WDR41: variants seen among roughly 807,000 people sequenced by gnomAD.
WDR41 encodes the protein WD repeat-containing protein 41.
A neutral mutation model predicts 69.3 loss-of-function variants in WDR41; 63 were observed. The observed-to-expected ratio is 0.91, with a 90% CI of 0.74 to 1.12. The LOEUF is 1.12. Ranked by LOEUF, WDR41 falls within the 50% of genes most tolerant of loss-of-function variation. The pLI is 0.00. For synonymous variants in WDR41, 185 were observed against 192.1 expected, an observed-to-expected ratio of 0.96 and a Z score of 0.31; for missense variants, 543 against 534.5, an observed-to-expected ratio of 1.02 and a Z score of -0.16.
intron 1 of WDR41, among the ~76,000 whole-genome samples, chr5:77,543,504 A>G (rs541085861): frequency 6.6e-6 from 1 of 152,258 alleles, no homozygotes; most frequent in South Asian, 2.1e-4. Context: ...TAGAAATGCA[A>G]AATGCTCTGG....
intron 1 of WDR41, among the ~76,000 whole-genome samples, chr5:77,549,674 A>G (rs1743262584): frequency 6.6e-6 from 1 of 152,224 alleles, no homozygotes; most frequent in Admixed American, 6.5e-5. Context: ...AAGAATCAAT[A>G]TTATTAAAAT....
At position 77,618,985 on chromosome 5, in the gene WDR41, T is replaced by G. The variant is rs1744728613; in HGVS notation, c.42+1494A>C. Among the ~76,000 whole-genome samples, 3 of 152,330 alleles carry G rather than the reference T, an allele frequency of 2.0e-5. No individual in the cohort carries two copies. In the South Asian group the frequency reaches 6.2e-4, roughly 32 times the overall value. On this transcript the variant is annotated intron_variant, in intron 1 of 5. Coordinates refer to the WDR41 transcript ENST00000509971. ...GTGTGAAGAATTTAACCAGCAACAC[T>G]AAGATTAGATGACCAGTAACCTCCC...
intron 2 of WDR41, among the ~76,000 whole-genome samples, chr5:77,483,586 A>G (rs1278425561): frequency 2.0e-5 from 3 of 151,122 alleles, no homozygotes; most frequent in Non-Finnish European, 4.4e-5. Flanking sequence ...TGTATGTCTA[A>G]GTTGTAGAGC....
At chr5:77,461,542 T>C (rs1446346860) in intron 4 of WDR41, among the ~76,000 whole-genome samples, 1 of 152,184 alleles carries the variant, frequency 6.6e-6, no homozygotes, top group Non-Finnish European at 1.5e-5. Context: ...GCATATACTT[T>C]TAAAAATTAA....
chr5:77,603,446 T>C (rs561113524), intron 1 of WDR41, among the ~76,000 whole-genome samples: 1 of 152,348 alleles, frequency 6.6e-6, no homozygotes, highest in South Asian at 2.1e-4. Flanking sequence ...ATTGAGCTGT[T>C]TGAGTTTCTT....
intron 1 of WDR41, among the ~76,000 whole-genome samples, chr5:77,559,920 C>A (rs1743490656): frequency 6.6e-6 from 1 of 152,038 alleles, no homozygotes; most frequent in Non-Finnish European, 1.5e-5. Flanking sequence ...AGTCATCTAG[C>A]AGGCCTAAAA....
rs1381186410 is a variant in WDR41, at chr5:77,489,578, A to T, written c.52-6T>A. Reference sequence around the variant, plus strand: ...ATTGTCTGTAAAGGAGATTTCTTGTATTGAAAAAAAAAAAAAAGCAAAAAA... The same window carrying T: ...ATTGTCTGTAAAGGAGATTTCTTGTTTTGAAAAAAAAAAAAAAGCAAAAAA... On this transcript the variant is annotated splice_polypyrimidine_tract_variant and splice_region_variant and intron_variant, in intron 1 of 12. Coordinates refer to ENST00000296679, the MANE Select transcript of WDR41 (RefSeq NM_018268.4). 18 of 1,237,610 alleles carry T rather than the reference A, an allele frequency of 1.5e-5. No individual in the cohort carries two copies. Among genetic ancestry groups the T allele is most frequent in the Non-Finnish European group, 1.9e-5 (17 of 915,880 alleles). 76.7% of individuals were successfully genotyped at this position (1,237,610 alleles called of 1,614,324 possible). A position where few individuals can be genotyped will look rare whatever the true frequency, so the allele number is the denominator to read the frequency against.
At chr5:77,435,175 G>C (rs1454721650) in intron 12 of WDR41, among the ~76,000 whole-genome samples, 1 of 152,222 alleles carries the variant, frequency 6.6e-6, no homozygotes, top group Non-Finnish European at 1.5e-5. Flanking sequence ...CTACTTGTTA[G>C]AGGAAAGCAA....
chr5:77,471,905 G>A (rs529027006), intron 2 of WDR41, among the ~76,000 whole-genome samples: 4 of 152,268 alleles, frequency 2.6e-5, no homozygotes, highest in African/African-American at 9.6e-5. Context: ...AGAAAAAGAG[G>A]GAATCCTCCT....
At chr5:77,577,051 G>C (rs564495875) in intron 1 of WDR41, among the ~76,000 whole-genome samples, 16 of 152,240 alleles carry the variant, frequency 1.1e-4, no homozygotes, top group African/African-American at 3.9e-4. Context: ...GACTTCACAA[G>C]AAGACCACGA....
At chr5:77,592,519 T>C (rs1222536992) in intron 1 of WDR41, among the ~76,000 whole-genome samples, 1 of 152,190 alleles carries the variant, frequency 6.6e-6, no homozygotes, top group Non-Finnish European at 1.5e-5. Flanking sequence ...GATGATTCCT[T>C]AGAAGAACTC....
intron 1 of WDR41, among the ~76,000 whole-genome samples, chr5:77,538,039 A>G (rs1743021496): frequency 6.6e-6 from 1 of 152,084 alleles, no homozygotes; most frequent in African/African-American, 2.4e-5. Flanking sequence ...TCCACCACCC[A>G]AATAATATAC....
At chr5:77,513,386 G>T (rs1802238880) in intron 1 of WDR41, among the ~76,000 whole-genome samples, 1 of 152,056 alleles carries the variant, frequency 6.6e-6, no homozygotes, top group Non-Finnish European at 1.5e-5. Flanking sequence ...AACTGAAAAA[G>T]AAAATCTATA....
chr5:77,482,989 C>A (rs1191025569), intron 2 of WDR41, among the ~76,000 whole-genome samples: 2 of 152,058 alleles, frequency 1.3e-5, no homozygotes, highest in Non-Finnish European at 2.9e-5. Flanking sequence ...TTACACAAAC[C>A]AACCTCACTA....
rs58087723 is a variant in WDR41, at chr5:77,609,544, C to G, written c.42+10935G>C. ...CCACTGCTGCTGATACCCAGGCAAA[C>G]AGGGTCTGGAGTGGACCTCTAGCAA... is the stretch of plus-strand genomic sequence containing the variant. On this transcript the variant is annotated intron_variant, in intron 1 of 5. Transcript: ENST00000509971. Among the ~76,000 whole-genome samples the G allele has an allele frequency of 1.8e-3, 278 of 152,340 alleles. 1 individual carries two copies. The highest frequency in any genetic ancestry group is 6.3e-3 in the African/African-American group (264 of 41,576).
chr5:77,456,577 T>C (rs933688001), intron 5 of WDR41, among the ~76,000 whole-genome samples: 1 of 152,250 alleles, frequency 6.6e-6, no homozygotes, highest in African/African-American at 2.4e-5. Context: ...ATCTTTTTTA[T>C]TGTCCAACTG....
chr5:77,551,170 C>T (rs555246098), intron 1 of WDR41, among the ~76,000 whole-genome samples: 11 of 151,986 alleles, frequency 7.2e-5, no homozygotes, highest in Admixed American at 1.3e-4. Flanking sequence ...TATGTACTCA[C>T]GTAACAATCC....
At chr5:77,491,801 A>C in intron 1 of WDR41, 1 of 243,814 alleles carries the variant, frequency 4.1e-6, no homozygotes, top group Non-Finnish European at 7.8e-6. Context: ...GTTTCTAGCT[A>C]AATCGTATAC....
intron 1 of WDR41, among the ~76,000 whole-genome samples, chr5:77,580,653 AT>A (rs763056224): frequency 2.8e-4 from 43 of 152,250 alleles, no homozygotes; most frequent in Non-Finnish European, 3.8e-4. Context: ...TGGAAAAAAA[AT>A]ATATAAAAAA....
Sources: allele counts gnomAD v4.1 joint callset (sites outside exome capture counted in the v4.1 genomes callset), GRCh38; gene constraint gnomAD v4.1.1; transcripts MANE v1.5; gene names NCBI Gene and HGNC (gene_info 2026-07-23, HGNC 2026-07-21).